Variants in EBF2 observed in about 807,000 individuals in gnomAD.
EBF2 encodes EBF transcription factor 2, also known as transcription factor COE2.
In EBF2, 21 loss-of-function variants were observed where a neutral mutation model predicts 72.8. The observed-to-expected ratio is 0.29, with a 90% CI of 0.20 to 0.42. The LOEUF (loss-of-function observed/expected upper bound fraction) is 0.42, where lower values mean the gene tolerates loss of function less well. EBF2 is among the 10% of genes least tolerant of loss of function. The pLI is 1.00. For synonymous variants in EBF2, 299 were observed against 274.2 expected (o/e 1.09, Z -0.89); for missense variants, 637 against 731.2 (o/e 0.87, Z 1.49).
chr8:25,908,747 A>G (rs1002176074), intron 6 of EBF2, among the ~76,000 whole-genome samples, 192 bp from the exon 7 acceptor site: 1 of 152,184 alleles, frequency 6.6e-6, no homozygotes, highest in Admixed American at 6.5e-5. Context: ...TCTCAAGCCC[A>G]GCACCCGCTT....
intron 6 of EBF2, among the ~76,000 whole-genome samples, chr8:26,028,339 C>T (rs1339673175): frequency 6.6e-6 from 1 of 152,154 alleles, no homozygotes; most frequent in Non-Finnish European, 1.5e-5. Context: ...ATATATGAGA[C>T]CAATGTCCAG....
At chr8:25,845,707 C>CT (rs1359427869) in intron 15 of EBF2, among the ~76,000 whole-genome samples, 1 of 152,234 alleles carries the variant, frequency 6.6e-6, no homozygotes, top group Non-Finnish European at 1.5e-5. Context: ...AAATGTATTC[C>CT]TCCTGCCTTG....
At chr8:25,987,516 G>A (rs117575147) in intron 6 of EBF2, among the ~76,000 whole-genome samples, 46 of 152,178 alleles carry the variant, frequency 3.0e-4, no homozygotes, top group Non-Finnish European at 5.1e-4. Flanking sequence ...TTATGTGCTC[G>A]ACACTTTACA....
intron 15 of EBF2, among the ~76,000 whole-genome samples, chr8:25,846,515 C>G (rs1003177042): frequency 2.6e-5 from 4 of 151,980 alleles, no homozygotes. Flanking sequence ...TGATGAAAAC[C>G]CATCTCTACA....
chr8:25,911,092 A>G (rs1425327666), intron 6 of EBF2, among the ~76,000 whole-genome samples: 5 of 151,914 alleles, frequency 3.3e-5, no homozygotes, highest in Non-Finnish European at 7.4e-5. Flanking sequence ...CAAAACCTTC[A>G]CTAATCATAC....
At chr8:25,935,125 C>A (rs1803554553) in intron 6 of EBF2, among the ~76,000 whole-genome samples, 1 of 151,904 alleles carries the variant, frequency 6.6e-6, no homozygotes, top group Non-Finnish European at 1.5e-5. Flanking sequence ...ATGGTGGTAC[C>A]CAAGGCCCCC....
intron 6 of EBF2, among the ~76,000 whole-genome samples, chr8:26,016,400 A>C (rs1215292239): frequency 6.6e-6 from 1 of 152,234 alleles, no homozygotes; most frequent in Non-Finnish European, 1.5e-5. Flanking sequence ...ACCCAGTTGC[A>C]TTCATTCATT....
intron 6 of EBF2, among the ~76,000 whole-genome samples, chr8:25,997,557 A>G (rs4872383): frequency 0.54 from 80,838 of 148,604 alleles, 23,429 homozygotes; most frequent in Admixed American, 0.64. Flanking sequence ...GGGCAACAGA[A>G]CCAGATCCTA....
intron 7 of EBF2, among the ~76,000 whole-genome samples, chr8:25,892,818 C>A (rs193097317): frequency 1.4e-4 from 21 of 152,094 alleles, no homozygotes; most frequent in Middle Eastern, 3.2e-3. Flanking sequence ...CTTAAAGGAA[C>A]CTCAGTTGTC....
At chr8:25,852,918 T>C (rs555708677) in intron 14 of EBF2, among the ~76,000 whole-genome samples, 2 of 152,320 alleles carry the variant, frequency 1.3e-5, no homozygotes, top group East Asian at 3.9e-4. Flanking sequence ...GGCACTTATC[T>C]TCATCAGTGA....
intron 6 of EBF2, among the ~76,000 whole-genome samples, chr8:25,955,868 T>A (rs1414279464): frequency 1.3e-5 from 2 of 152,204 alleles, no homozygotes; most frequent in Non-Finnish European, 2.9e-5. Flanking sequence ...TTTGGGAATA[T>A]AGCTTGTCCC....
intron 2 of EBF2, among the ~76,000 whole-genome samples, chr8:26,041,702 G>A (rs892759602): frequency 2.7e-4 from 41 of 152,174 alleles, no homozygotes; most frequent in African/African-American, 9.9e-4. Context: ...CTGGGCTGCC[G>A]GTTTCCACTT....
chr8:25,959,019 G>A (rs912183272), intron 6 of EBF2, among the ~76,000 whole-genome samples: 2 of 152,234 alleles, frequency 1.3e-5, no homozygotes, highest in Non-Finnish European at 2.9e-5. Context: ...CATAAGGTTA[G>A]GCTGAGCCAA....
chr8:25,974,947 C>T (rs1804245367), intron 6 of EBF2, among the ~76,000 whole-genome samples: 1 of 152,200 alleles, frequency 6.6e-6, no homozygotes. Context: ...TGCCCCGCCC[C>T]TCTTGTTACT....
At chr8:25,937,866 G>C (rs1803603907) in intron 6 of EBF2, among the ~76,000 whole-genome samples, 1 of 152,182 alleles carries the variant, frequency 6.6e-6, no homozygotes, top group South Asian at 2.1e-4. Context: ...GCTTAGAAGA[G>C]ACTTGGTGGG....
At position 25,964,524 on chromosome 8, in the gene EBF2, C is replaced by T. The variant is rs17054694; in HGVS notation, c.552-55969G>A. 6.2e-3 allele frequency among the ~76,000 whole-genome samples: 942 copies of T among 152,220 alleles called. 13 individuals carry two copies. The highest frequency in any genetic ancestry group is 0.041 in the East Asian group (214 of 5,164). ...CTCAATCTGGGTCGAGGGAACAAAA[C>T]AGGACTGGATTAGATAGGACAACTG... On this transcript the variant is annotated intron_variant, in intron 6 of 15. Transcript: ENST00000520164.
At chr8:25,936,677 C>T (rs1803584465) in intron 6 of EBF2, among the ~76,000 whole-genome samples, 1 of 152,110 alleles carries the variant, frequency 6.6e-6, no homozygotes, top group African/African-American at 2.4e-5. Context: ...GTATCATTTA[C>T]AAGAGGGTTT....
chr8:25,922,593 A>G (rs1030273933), intron 6 of EBF2, among the ~76,000 whole-genome samples: 1 of 152,214 alleles, frequency 6.6e-6, no homozygotes, highest in Non-Finnish European at 1.5e-5. Context: ...AAGTCAACAC[A>G]CTCACATCCA....
At chr8:26,000,378 T>A (rs781112169) in intron 6 of EBF2, among the ~76,000 whole-genome samples, 1 of 152,112 alleles carries the variant, frequency 6.6e-6, no homozygotes, top group Non-Finnish European at 1.5e-5. Flanking sequence ...TTGGGGAAGA[T>A]GGAGAAGACA....
Sources: gnomAD v4.1 joint callset for allele counts (sites outside exome capture counted in the v4.1 genomes callset) on GRCh38, gnomAD v4.1.1 for gene constraint, MANE v1.5 for transcripts, NCBI Gene and HGNC (gene_info 2026-07-23, HGNC 2026-07-21) for gene names.